ATE1: variants seen among roughly 807,000 people sequenced by gnomAD.
ATE1 encodes arginyltransferase 1, also known as arginyl-tRNA--protein transferase 1.
A neutral mutation model predicts 70.5 loss-of-function variants in ATE1; 36 were observed. The observed-to-expected ratio is 0.51, with a 90% confidence interval of 0.39 to 0.67. The LOEUF (loss-of-function observed/expected upper bound fraction) is 0.67, where lower values mean the gene tolerates loss of function less well. Ranked by LOEUF, ATE1 falls within the 30% of genes least tolerant of loss-of-function variation. The pLI, the probability that ATE1 is intolerant of heterozygous loss-of-function variation, is 0.00. For synonymous variants in ATE1, 232 were observed against 219.3 expected, an observed-to-expected ratio of 1.06 and a Z score of -0.51; for missense variants, 593 against 629.5, an observed-to-expected ratio of 0.94 and a Z score of 0.62.
intron 11 of ATE1, among the ~76,000 whole-genome samples, chr10:121,766,364 G>C (rs559436922): frequency 6.6e-6 from 1 of 152,154 alleles, no homozygotes; most frequent in South Asian, 2.1e-4. Context: ...AGGAAGATGA[G>C]GGAGACCTAC....
At chr10:121,911,175 AT>A in intron 4 of ATE1, 24 bp from the exon 5 acceptor site, 1 of 1,598,158 alleles carries the variant, frequency 6.3e-7, no homozygotes, top group Non-Finnish European at 8.5e-7. Flanking sequence ...GAAATTAAAA[AT>A]CCATCAGCTG....
At position 121,922,399 on chromosome 10, in the gene ATE1, A is replaced by C; in HGVS notation, c.183T>G (p.Tyr61Ter). Residue 61 changes from tyrosine (Y) to a stop codon, truncating the protein, a stop_gained, in exon 3 of 12, where the codon TAT (tyrosine) becomes TAG (stop). Transcript: ENST00000224652. LOFTEE classifies it high-confidence loss of function. Reference protein sequence around the residue: ...IDRGWRRSGKYVYKPVMNQTC... With the variant: ...IDRGWRRSGK ...TTTGATTCATGACAGGTTTGTACAC[A>C]TATTTTCCACTTCTAAAATTATAAA... 1 of 1,598,598 alleles carries C rather than the reference A, an allele frequency of 6.3e-7. No individual in the cohort carries two copies.
chr10:121,747,649 C>T (rs1326449893), intron 11 of ATE1, among the ~76,000 whole-genome samples: 1 of 152,228 alleles, frequency 6.6e-6, no homozygotes, highest in African/African-American at 2.4e-5. Flanking sequence ...TGCCTGTTAT[C>T]ACCAATTCCC....
chr10:121,928,044 C>A, upstream of ATE1: 1 of 1,233,696 alleles, frequency 8.1e-7, no homozygotes, highest in South Asian at 3.6e-5. Context: ...CCGGGAGCCT[C>A]CCGAGGCTCG....
chr10:121,922,668 C>T (rs187850380), intron 2 of ATE1, among the ~76,000 whole-genome samples: 1 of 152,176 alleles, frequency 6.6e-6, no homozygotes, highest in African/African-American at 2.4e-5. Flanking sequence ...CCAGCATCTG[C>T]CACCCCTGCT....
intron 7 of ATE1, among the ~76,000 whole-genome samples, chr10:121,884,859 T>G (rs1199112769): frequency 1.3e-5 from 2 of 152,162 alleles, no homozygotes; most frequent in East Asian, 3.8e-4. Flanking sequence ...AATACACAAG[T>G]GTTCCCTGAC....
At chr10:121,877,512 A>T (rs750143795) in intron 7 of ATE1, among the ~76,000 whole-genome samples, 11 of 152,146 alleles carry the variant, frequency 7.2e-5, no homozygotes, top group Admixed American at 1.3e-4. Context: ...ATATATATAT[A>T]TATCAAAAGA....
intron 11 of ATE1, among the ~76,000 whole-genome samples, chr10:121,763,454 G>A (rs574152300): frequency 6.6e-6 from 1 of 152,274 alleles, no homozygotes; most frequent in South Asian, 2.1e-4. Flanking sequence ...GCCACATAAA[G>A]ATATGGGGGA....
At chr10:121,837,849 TA>T (rs1948484352) in intron 9 of ATE1, among the ~76,000 whole-genome samples, 1 of 152,130 alleles carries the variant, frequency 6.6e-6, no homozygotes. Context: ...CAAGCAAGCG[TA>T]AGACCACCAA....
At chr10:121,814,665 T>C (rs1174114675) in intron 10 of ATE1, among the ~76,000 whole-genome samples, 3 of 151,930 alleles carry the variant, frequency 2.0e-5, no homozygotes, top group Non-Finnish European at 4.4e-5. Flanking sequence ...ATAGAACAGA[T>C]AGAGATATAA....
At position 121,832,484 on chromosome 10, in the gene ATE1, C is replaced by G. The variant is rs367790817; in HGVS notation, c.1257+4234G>C. On this transcript the variant is annotated intron_variant, in intron 10 of 11. Coordinates refer to ENST00000224652, the MANE Select transcript of ATE1 (RefSeq NM_001001976.3). Reference sequence around the variant, plus strand: ...TTGAATTGTACTCCCATAATTTGCACGTGTTGTGGGAGGGACCTAGTGGGA... The same window carrying G: ...TTGAATTGTACTCCCATAATTTGCAGGTGTTGTGGGAGGGACCTAGTGGGA... Among the ~76,000 whole-genome samples the G allele has an allele frequency of 6.8e-4, 104 of 152,254 alleles. 3 individuals carry two copies. The South Asian group carries it at 0.021, about 30-fold the overall frequency.
At chr10:121,867,097 C>A (rs954438737) in intron 8 of ATE1, among the ~76,000 whole-genome samples, 22 of 152,292 alleles carry the variant, frequency 1.4e-4, no homozygotes, top group African/African-American at 5.1e-4. Context: ...TACTCTCAGT[C>A]TTAGCCCCAC....
At chr10:121,876,618 A>T (rs1036641043) in intron 7 of ATE1, among the ~76,000 whole-genome samples, 1 of 152,348 alleles carries the variant, frequency 6.6e-6, no homozygotes, top group East Asian at 1.9e-4. Context: ...TCCAGATAAC[A>T]GTATAACAAT....
Position 121,790,061 on chromosome 10 carries a change from T to C in ATE1, c.1378+108A>G, listed in dbSNP as rs1946373295. The C allele has an allele frequency of 3.4e-6, 5 of 1,461,490 alleles. No individual in the cohort carries two copies. In the Admixed American group the frequency reaches 9.7e-5, roughly 28 times the overall value. 90.5% of individuals were successfully genotyped at this position (1,461,490 alleles called of 1,614,324 possible). On this transcript the variant is annotated intron_variant, in intron 11 of 11. Transcript: ENST00000224652. ...ACACACACACTCATGCACAGCATAC[T>C]CTATAATATACAAAGCTACCTGGAC...
chr10:121,921,619 C>T (rs980794785), intron 3 of ATE1, among the ~76,000 whole-genome samples: 1 of 152,080 alleles, frequency 6.6e-6, no homozygotes, highest in Non-Finnish European at 1.5e-5. Context: ...TGAACTGCAG[C>T]TGCCTGGGCA....
At position 121,870,039 on chromosome 10, in the gene ATE1, C is replaced by A. The variant is rs1471539021; in HGVS notation, c.943-1G>T. ...GTGAACTGCAAAGGAATCTTGTGAA[C>A]TGCAGTCAAATTTGAACAGAATCCA... On this transcript the variant is annotated splice_acceptor_variant, in intron 7 of 11. Coordinates refer to ENST00000224652, the MANE Select transcript of ATE1 (RefSeq NM_001001976.3). LOFTEE classifies it high-confidence loss of function. 1.2e-6 allele frequency: 2 copies of A among 1,610,026 alleles called. No homozygotes were observed. Among genetic ancestry groups the A allele is most frequent in the Non-Finnish European group, 1.7e-6 (2 of 1,177,306 alleles).
At chr10:121,870,408 T>A (rs999890179) in intron 7 of ATE1, among the ~76,000 whole-genome samples, 7 of 152,070 alleles carry the variant, frequency 4.6e-5, no homozygotes, top group Non-Finnish European at 1.0e-4. Flanking sequence ...ACAGGCAAAG[T>A]TCAGTAAATG....
At chr10:121,882,683 C>A (rs938327820) in intron 7 of ATE1, among the ~76,000 whole-genome samples, 1 of 152,154 alleles carries the variant, frequency 6.6e-6, no homozygotes, top group Admixed American at 6.5e-5. Context: ...ACTGTAAACA[C>A]AGCAAGCACT....
At chr10:121,873,009 C>T (rs1475771548) in intron 7 of ATE1, among the ~76,000 whole-genome samples, 1 of 152,100 alleles carries the variant, frequency 6.6e-6, no homozygotes, top group Non-Finnish European at 1.5e-5. Context: ...ATTCTAATAA[C>T]AATCGTAGGT....
Sources: allele counts gnomAD v4.1 joint callset (sites outside exome capture counted in the v4.1 genomes callset), GRCh38; gene constraint gnomAD v4.1.1; transcripts MANE v1.5; gene names NCBI Gene and HGNC (gene_info 2026-07-23, HGNC 2026-07-21).